The following PCGF6 variants were observed in gnomAD, a reference collection of about 807,000 sequenced individuals.
PCGF6 encodes the protein polycomb group RING finger protein 6.
A neutral mutation model predicts 45.5 loss-of-function variants in PCGF6; 24 were observed. The observed-to-expected ratio is 0.53, with a 90% CI of 0.38 to 0.74. PCGF6 has a LOEUF of 0.74. Ranked by LOEUF, PCGF6 falls within the 30% of genes least tolerant of loss-of-function variation. PCGF6 has a pLI of 0.00. For missense variants in PCGF6, 356 were observed against 443.2 expected (o/e 0.80, Z 1.77); for synonymous variants, 152 against 162.1 (o/e 0.94, Z 0.47).
chr10:103,348,885 G>C lies in PCGF6; in HGVS notation c.460+15C>G. The C allele has an allele frequency of 1.2e-6, 2 of 1,604,730 alleles. No homozygotes were observed. Among genetic ancestry groups the C allele is most frequent in the Non-Finnish European group, 1.7e-6 (2 of 1,173,242 alleles). On this transcript the variant is annotated intron_variant, in intron 2 of 9. Coordinates refer to ENST00000369847, the MANE Select transcript of PCGF6 (RefSeq NM_001011663.2). ...AAACTGAAAAATTATTCAGAAATGT[G>C]ATCGGTATGCTTACAGGTATGAAGA...
chr10:103,350,261 T>G (rs1434850527), intron 1 of PCGF6, among the ~76,000 whole-genome samples: 3 of 135,258 alleles, frequency 2.2e-5, no homozygotes, highest in African/African-American at 5.3e-5. Context: ...GGAGCCCTCC[T>G]CGCTACAAAA....
At chr10:103,349,943 G>T (rs915880515) in intron 1 of PCGF6, among the ~76,000 whole-genome samples, 1 of 151,798 alleles carries the variant, frequency 6.6e-6, no homozygotes, top group Non-Finnish European at 1.5e-5. Flanking sequence ...TAAGCCGGGC[G>T]TGGTGGCGGG....
At chr10:103,331,190 T>C (rs1022379702) in intron 7 of PCGF6, among the ~76,000 whole-genome samples, 1 of 152,238 alleles carries the variant, frequency 6.6e-6, no homozygotes, top group African/African-American at 2.4e-5. Context: ...TACTCTATTA[T>C]ATGAAAATAC....
At chr10:103,350,156 G>A (rs951804828) in intron 1 of PCGF6, among the ~76,000 whole-genome samples, 1 of 151,870 alleles carries the variant, frequency 6.6e-6, no homozygotes, top group African/African-American at 2.4e-5. Context: ...TAATTATACA[G>A]GACAGGCAAC....
At chr10:103,324,004 A>G (rs1268754692) in intron 8 of PCGF6, among the ~76,000 whole-genome samples, 1 of 152,050 alleles carries the variant, frequency 6.6e-6, no homozygotes, top group Admixed American at 6.6e-5. Context: ...CAATGGCATG[A>G]TCTAGGCTAA....
At chr10:103,326,967 A>G (rs2093221184) in intron 7 of PCGF6, among the ~76,000 whole-genome samples, 1 of 152,176 alleles carries the variant, frequency 6.6e-6, no homozygotes. Context: ...AAAGACACAG[A>G]GAAAACACCC....
At chr10:103,326,887 A>C (rs2093220797) in intron 7 of PCGF6, among the ~76,000 whole-genome samples, 1 of 152,170 alleles carries the variant, frequency 6.6e-6, no homozygotes, top group Non-Finnish European at 1.5e-5. Context: ...GTTTATTTTA[A>C]TGTTTCATTG....
At chr10:103,330,948 C>T (rs557825666) in intron 7 of PCGF6, among the ~76,000 whole-genome samples, 2 of 152,064 alleles carry the variant, frequency 1.3e-5, no homozygotes, top group East Asian at 1.9e-4. Flanking sequence ...AAAAAGAAAC[C>T]TGTACCTCTT....
intron 9 of PCGF6, among the ~76,000 whole-genome samples, chr10:103,313,233 G>T (rs181936796): frequency 6.6e-6 from 1 of 152,214 alleles, no homozygotes; most frequent in East Asian, 1.9e-4. Flanking sequence ...TGGCTTCCCT[G>T]GGCCACACTG....
intron 6 of PCGF6, among the ~76,000 whole-genome samples, chr10:103,341,705 G>A (rs75358623): frequency 6.6e-6 from 1 of 151,302 alleles, no homozygotes; most frequent in Non-Finnish European, 1.5e-5. Context: ...AAGCCTCCCA[G>A]AATGCTGGGA....
At chr10:103,318,398 G>A (rs1374956508) in intron 8 of PCGF6, among the ~76,000 whole-genome samples, 4 of 146,588 alleles carry the variant, frequency 2.7e-5, no homozygotes, top group African/African-American at 7.6e-5. Flanking sequence ...AACCGAGATC[G>A]CGCCACTGCA....
At chr10:103,339,099 C>T (rs1462859961) in intron 6 of PCGF6, among the ~76,000 whole-genome samples, 2 of 151,794 alleles carry the variant, frequency 1.3e-5, no homozygotes, top group Non-Finnish European at 2.9e-5. Context: ...CTAACTTTTG[C>T]GGTAACATAA....
intron 9 of PCGF6, among the ~76,000 whole-genome samples, chr10:103,307,159 G>T (rs909052932): frequency 1.3e-5 from 2 of 151,860 alleles, no homozygotes; most frequent in East Asian, 3.9e-4. Flanking sequence ...CACAAGGCCA[G>T]GTGTGGTGGC....
intron 8 of PCGF6, among the ~76,000 whole-genome samples, chr10:103,316,653 A>G (rs1292887355): frequency 6.6e-6 from 1 of 152,288 alleles, no homozygotes; most frequent in South Asian, 2.1e-4. Flanking sequence ...AAAGGGCCAA[A>G]TAATAAATGC....
At chr10:103,307,719 C>T (rs1327235445) in intron 9 of PCGF6, among the ~76,000 whole-genome samples, 5 of 152,186 alleles carry the variant, frequency 3.3e-5, no homozygotes, top group South Asian at 4.2e-4. Context: ...GTGACCCTCC[C>T]GCCTCGGCCT....
intron 7 of PCGF6, among the ~76,000 whole-genome samples, chr10:103,329,298 C>A (rs2093231135): frequency 6.6e-6 from 1 of 152,034 alleles, no homozygotes; most frequent in South Asian, 2.1e-4. Context: ...CCTTGGCCTC[C>A]CAAAGTGCTG....
intron 8 of PCGF6, among the ~76,000 whole-genome samples, chr10:103,318,177 T>G (rs1166509432): frequency 6.9e-6 from 1 of 144,888 alleles, no homozygotes. Flanking sequence ...GTGCGGTGGC[T>G]CACGCCTGTA....
chr10:103,343,611 G>A (rs1005652743), intron 6 of PCGF6, among the ~76,000 whole-genome samples: 2 of 151,802 alleles, frequency 1.3e-5, no homozygotes, highest in African/African-American at 4.8e-5. Flanking sequence ...GGCTGAGGTG[G>A]GTGGATCACC....
At chr10:103,349,039 G>A (rs900331653) in intron 1 of PCGF6, 40 bp from the exon 2 acceptor site, 12 of 1,519,796 alleles carry the variant, frequency 7.9e-6, no homozygotes, top group South Asian at 4.8e-5. Context: ...ACAAGTCCTT[G>A]CCTTTTACAA....
Sources: allele counts gnomAD v4.1 joint callset (sites outside exome capture counted in the v4.1 genomes callset), GRCh38; gene constraint gnomAD v4.1.1; transcripts MANE v1.5; gene names NCBI Gene and HGNC (gene_info 2026-07-23, HGNC 2026-07-21).